The following ERBB4 variants were observed in gnomAD, a reference collection of about 807,000 sequenced individuals.
The protein encoded by ERBB4 is receptor tyrosine-protein kinase erbB-4.
ERBB4 carries 42 observed loss-of-function variants against 158.0 expected under a neutral mutation model. That is an observed-to-expected ratio of 0.27 (90% CI 0.21 to 0.34). The LOEUF (loss-of-function observed/expected upper bound fraction) is 0.34. Among genes scored for constraint, ERBB4 ranks in the 10% least tolerant of loss-of-function variants. ERBB4 has a pLI of 1.00. For missense variants in ERBB4, 1,333 were observed against 1,624.1 expected, an observed-to-expected ratio of 0.82 and a Z score of 3.08; for synonymous variants, 583 against 558.7, an observed-to-expected ratio of 1.04 and a Z score of -0.61.
At chr2:211,886,646 G>T (rs982036330) in intron 3 of ERBB4, among the ~76,000 whole-genome samples, 8 of 152,160 alleles carry the variant, frequency 5.3e-5, no homozygotes. Flanking sequence ...ATGGCATCTT[G>T]GGGACGGCTA....
At chr2:212,166,543 A>T (rs1278763828) in intron 1 of ERBB4, among the ~76,000 whole-genome samples, 1 of 151,516 alleles carries the variant, frequency 6.6e-6, no homozygotes, top group East Asian at 1.9e-4. Context: ...TGACATTCCC[A>T]TCAAACTACC....
chr2:212,190,799 T>C (rs529426210), intron 1 of ERBB4, among the ~76,000 whole-genome samples: 3 of 152,300 alleles, frequency 2.0e-5, no homozygotes, highest in African/African-American at 7.2e-5. Context: ...TTTTATAAAA[T>C]ATGATATGCC....
intron 19 of ERBB4, among the ~76,000 whole-genome samples, chr2:211,609,073 C>T (rs1391031042): frequency 6.6e-6 from 1 of 151,998 alleles, no homozygotes; most frequent in Non-Finnish European, 1.5e-5. Flanking sequence ...CAGCAGCAGC[C>T]CAAGAAGCAA....
chr2:211,863,199 C>T (rs914057726), intron 3 of ERBB4, among the ~76,000 whole-genome samples: 1 of 149,636 alleles, frequency 6.7e-6, no homozygotes, highest in African/African-American at 2.6e-5. Context: ...AAAAACGCAC[C>T]AATCAGTGCT....
At chr2:211,944,848 T>A (rs941599645) in intron 3 of ERBB4, among the ~76,000 whole-genome samples, 16 of 152,068 alleles carry the variant, frequency 1.1e-4, no homozygotes, top group Non-Finnish European at 5.9e-5. Context: ...TGGATGATGC[T>A]CATGGTGATG....
At chr2:211,970,708 T>C (rs1029645125) in intron 2 of ERBB4, among the ~76,000 whole-genome samples, 2 of 152,168 alleles carry the variant, frequency 1.3e-5, no homozygotes, top group Non-Finnish European at 2.9e-5. Flanking sequence ...CCCTGCCTTT[T>C]TTCTGTTTTC....
At chr2:212,253,724 T>C (rs2084624015) in intron 1 of ERBB4, among the ~76,000 whole-genome samples, 1 of 152,164 alleles carries the variant, frequency 6.6e-6, no homozygotes, top group Non-Finnish European at 1.5e-5. Flanking sequence ...GGGTTGCCGT[T>C]AAAAAGTTAG....
intron 1 of ERBB4, among the ~76,000 whole-genome samples, chr2:212,231,609 G>T (rs971930197): frequency 2.0e-5 from 3 of 152,108 alleles, no homozygotes; most frequent in Admixed American, 1.3e-4. Context: ...CCATATTGTG[G>T]ATATTTTCCT....
intron 1 of ERBB4, among the ~76,000 whole-genome samples, chr2:212,448,939 CCT>C (rs2092404772): frequency 6.6e-6 from 1 of 152,036 alleles, no homozygotes; most frequent in East Asian, 1.9e-4. Context: ...ATTTGCTTTT[CCT>C]CTTTTATGTT....
At chr2:211,826,957 A>C (rs2077112665) in intron 3 of ERBB4, among the ~76,000 whole-genome samples, 2 of 152,088 alleles carry the variant, frequency 1.3e-5, no homozygotes, top group South Asian at 4.1e-4. Context: ...ATGTGTGTAT[A>C]TATTTAAACA....
At chr2:211,695,464 G>A (rs1164611129) in intron 12 of ERBB4, among the ~76,000 whole-genome samples, 10 of 151,590 alleles carry the variant, frequency 6.6e-5, no homozygotes, top group African/African-American at 2.2e-4. Context: ...GATATTTTTT[G>A]GAATTTTTAA....
At chr2:211,792,838 G>A (rs753034501) in intron 3 of ERBB4, among the ~76,000 whole-genome samples, 3 of 151,892 alleles carry the variant, frequency 2.0e-5, no homozygotes, top group Admixed American at 6.6e-5. Flanking sequence ...ATAAGGAAAT[G>A]TTTGTGTTAT....
In ERBB4 at chr2:211,772,953, A is replaced by AT. The variant is rs1279482810; in HGVS notation, c.556+15071dup. Among the ~76,000 whole-genome samples the AT allele has an allele frequency of 4.1e-3, 314 of 77,082 alleles. 41 individuals are homozygous for AT. The highest frequency in any genetic ancestry group is 0.011 in the African/African-American group (175 of 16,462). The allele number at this position is 77,082 out of a possible 152,430, so 50.6% of individuals were successfully genotyped here. A position where few individuals can be genotyped will look rare whatever the true frequency, so the allele number is the denominator to read the frequency against. On this transcript the variant is annotated intron_variant, in intron 4 of 27. Coordinates refer to ENST00000342788, the MANE Select transcript of ERBB4 (RefSeq NM_005235.3). ...TATATATATATATATATATATATAT[A>AT]TATTTTTTTTTTTAAAGATGGGGTC...
chr2:212,200,101 A>AT (rs1479535662), intron 1 of ERBB4, among the ~76,000 whole-genome samples: 4 of 152,182 alleles, frequency 2.6e-5, no homozygotes, highest in Admixed American at 2.6e-4. Flanking sequence ...ATTATAGGAC[A>AT]TTAATTTCAT....
intron 1 of ERBB4, among the ~76,000 whole-genome samples, chr2:212,457,833 A>G (rs1196668703): frequency 6.6e-6 from 1 of 152,068 alleles, no homozygotes; most frequent in Admixed American, 6.6e-5. Flanking sequence ...GAATCAGAGT[A>G]AAGTCTTGAT....
At position 211,665,492 on chromosome 2, in the gene ERBB4, C is replaced by T. The variant is rs77981508; in HGVS notation, c.1717-15G>A. The T allele has an allele frequency of 1.6e-3, 2,511 of 1,597,868 alleles. 34 individuals are homozygous for T. The African/African-American group carries it at 0.028, about 18-fold the overall frequency. ...TTGTCAGGACCCTGAAATGTGAAAA[C>T]GAAAAAAAAAGAAAAAAGAAAAGTG... On this transcript the variant is annotated splice_polypyrimidine_tract_variant and intron_variant, in intron 14 of 27. Transcript: ENST00000342788.
At chr2:211,705,456 T>G (rs765246221) in intron 9 of ERBB4, 65 bp from the exon 10 acceptor site, 3 of 1,007,774 alleles carry the variant, frequency 3.0e-6, no homozygotes, top group Non-Finnish European at 4.8e-6. Context: ...ATATGAGAAA[T>G]GTGACAATAT....
chr2:212,033,866 T>G (rs1056923107), intron 2 of ERBB4, among the ~76,000 whole-genome samples: 2 of 151,928 alleles, frequency 1.3e-5, no homozygotes, highest in Admixed American at 6.6e-5. Flanking sequence ...AATACCAAAT[T>G]ACGCTGTGAA....
At chr2:211,511,201 T>A (rs941896199) in intron 20 of ERBB4, among the ~76,000 whole-genome samples, 2 of 151,984 alleles carry the variant, frequency 1.3e-5, no homozygotes, top group Non-Finnish European at 2.9e-5. Context: ...TTCTCTTAAG[T>A]TTTTAGCATA....
Sources: gnomAD v4.1 joint callset for allele counts (sites outside exome capture counted in the v4.1 genomes callset) on GRCh38, gnomAD v4.1.1 for gene constraint, MANE v1.5 for transcripts, NCBI Gene and HGNC (gene_info 2026-07-23, HGNC 2026-07-21) for gene names.